The following COPG1 variants were observed in gnomAD, a reference collection of about 807,000 sequenced individuals.
COPG1 encodes the protein coat protein complex I subunit gamma 1, also known as coatomer subunit gamma-1.
COPG1 carries 29 observed loss-of-function variants against 102.8 expected under a neutral mutation model. That is an observed-to-expected ratio of 0.28 (90% confidence interval 0.21 to 0.38). The LOEUF (loss-of-function observed/expected upper bound fraction) is 0.38. Among genes scored for constraint, COPG1 ranks in the 10% least tolerant of loss-of-function variants. The pLI is 1.00. For missense variants in COPG1, 875 were observed against 1,132.7 expected, an observed-to-expected ratio of 0.77 and a Z score of 3.27; for synonymous variants, 406 against 421.6, an observed-to-expected ratio of 0.96 and a Z score of 0.45.
At chr3:129,262,568 T>A (rs533668646) in intron 12 of COPG1, among the ~76,000 whole-genome samples, 18 of 152,042 alleles carry the variant, frequency 1.2e-4, no homozygotes, top group African/African-American at 3.9e-4. Flanking sequence ...AAAATTTTTT[T>A]AAAAATTAGC....
chr3:129,275,279 G>A lies in COPG1; in HGVS notation c.2481G>A (p.Thr827=), dbSNP rs772582072. The change falls in exon 23 of 24, where the codon ACG becomes ACA. Residue 827 remains threonine (T), a synonymous_variant. Transcript: ENST00000314797. This position sits in a 1 kb window ranked among gnomAD's most constrained non-coding sequence, Gnocchi z 5.0. ...DKVPDNKNTH[T]LLLAGVFRGG... is the part of the protein sequence containing the mutation. ...TGCCGGATAACAAGAACACCCACACGTTGCTCCTGGCTGGTAAGTGGCATT... is the reference window on the plus strand; with the variant it reads ...TGCCGGATAACAAGAACACCCACACATTGCTCCTGGCTGGTAAGTGGCATT... 63 of 1,613,972 alleles carry A rather than the reference G, an allele frequency of 3.9e-5. 1 individual carries two copies. The highest frequency in any genetic ancestry group is 3.1e-4 in the South Asian group (28 of 91,074).
chr3:129,259,328 G>A (rs1560064073), intron 10 of COPG1, among the ~76,000 whole-genome samples: 1 of 152,042 alleles, frequency 6.6e-6, no homozygotes, highest in Non-Finnish European at 1.5e-5. Flanking sequence ...GGGCGTGGTG[G>A]TGCGCATCTG....
At chr3:129,256,236 C>T in intron 8 of COPG1, 82 bp downstream of exon 8, 1 of 1,157,788 alleles carries the variant, frequency 8.6e-7, no homozygotes, top group Non-Finnish European at 1.3e-6. Flanking sequence ...ACACTTGCCA[C>T]CGAGATCCTT....
chr3:129,271,732 C>T lies in COPG1; in HGVS notation c.1844-35C>T, dbSNP rs746470332. ...ACCATCAACAAGTTGGTCTGGGGATCGAGAAGCTGAGTGAATGTGGCCTGT... is the reference window on the plus strand; with the variant it reads ...ACCATCAACAAGTTGGTCTGGGGATTGAGAAGCTGAGTGAATGTGGCCTGT... On this transcript the variant is annotated intron_variant, in intron 18 of 23. Transcript: ENST00000314797. This position sits in a 1 kb window ranked among gnomAD's most constrained non-coding sequence, Gnocchi z 4.7. 2.1e-5 allele frequency: 34 copies of T among 1,609,718 alleles called. No homozygotes were observed. The highest frequency in any genetic ancestry group is 1.5e-4 in the Admixed American group (9 of 59,516).
chr3:129,272,794 C>T lies in COPG1; in HGVS notation c.2159-13C>T. Reference sequence around the variant, plus strand: ...TGGGGACATCCTAACTACCCAGCCTCTCTTCCCCACAGTGGCCTGCACATT... The same window carrying T: ...TGGGGACATCCTAACTACCCAGCCTTTCTTCCCCACAGTGGCCTGCACATT... On this transcript the variant is annotated splice_polypyrimidine_tract_variant and intron_variant, in intron 20 of 23. Coordinates refer to ENST00000314797, the MANE Select transcript of COPG1 (RefSeq NM_016128.4). 6.3e-7 allele frequency: 1 copy of T among 1,595,654 alleles called. No homozygotes were observed. The highest frequency in any genetic ancestry group is 8.6e-7 in the Non-Finnish European group (1 of 1,164,082).
Position 129,275,278 on chromosome 3 carries a change from C to T in COPG1, c.2480C>T (p.Thr827Met), listed in dbSNP as rs748839821. Residue 827 changes from threonine (T) to methionine (M), a missense_variant, in exon 23 of 24, where the codon ACG becomes ATG. Physicochemically the swap from Thr to Met is moderately conservative, Grantham distance 81. Coordinates refer to ENST00000314797, the MANE Select transcript of COPG1 (RefSeq NM_016128.4). This position sits in a 1 kb window ranked among gnomAD's most constrained non-coding sequence, Gnocchi z 5.0. ...GTGCCGGATAACAAGAACACCCACA[C>T]GTTGCTCCTGGCTGGTAAGTGGCAT... ...DKVPDNKNTH[T>M]LLLAGVFRGG... 9 of 1,614,000 alleles carry T rather than the reference C, an allele frequency of 5.6e-6. No individual in the cohort carries two copies. The highest frequency in any genetic ancestry group is 2.2e-5 in the East Asian group (1 of 44,896).
rs71674809 is a variant in COPG1 at position 129,262,722 on chromosome 3, GAA to G, written c.1129-1170_1129-1169del. Among the ~76,000 whole-genome samples, 917 of 142,430 alleles carry G rather than the reference GAA, an allele frequency of 6.4e-3. 5 individuals carry two copies. The highest frequency in any genetic ancestry group is 0.031 in the South Asian group (135 of 4,392). 93.4% of individuals were successfully genotyped at this position (142,430 alleles called of 152,430 possible). On this transcript the variant is annotated intron_variant, in intron 12 of 23. Transcript: ENST00000314797. ...TGGGTGACAGAGTGAGACCTTGTCT[GAA>G]AAAAAAAAAAATTGGCTGGGCGCGG...
intron 8 of COPG1, 63 bp from the exon 9 acceptor site, chr3:129,257,407 C>G: frequency 6.3e-7 from 1 of 1,576,842 alleles, no homozygotes; most frequent in South Asian, 1.1e-5. Flanking sequence ...CCACCCAGGG[C>G]CACACAGCCA....
intron 13 of COPG1, 102 bp downstream of exon 13, chr3:129,264,101 T>G: frequency 1.0e-6 from 1 of 973,082 alleles, no homozygotes; most frequent in Non-Finnish European, 1.6e-6. Flanking sequence ...TATGTTAGCC[T>G]GTTAACCAAC....
At position 129,263,400 on chromosome 3, in the gene COPG1, G is replaced by T. The variant is rs556178034; in HGVS notation, c.1129-504G>T. ...TCTGACAGGCAGTTGGAAAAGGCAG[G>T]TCTTAAGCTCAGACAGGAGATAAAT... On this transcript the variant is annotated intron_variant, in intron 12 of 23. Coordinates refer to ENST00000314797, the MANE Select transcript of COPG1 (RefSeq NM_016128.4). 2.0e-5 allele frequency among the ~76,000 whole-genome samples: 3 copies of T among 152,292 alleles called. No individual in the cohort carries two copies. The South Asian group carries it at 6.2e-4, about 32-fold the overall frequency.
At chr3:129,267,794 T>C in intron 15 of COPG1, 143 bp from the exon 16 acceptor site, 2 of 634,122 alleles carry the variant, frequency 3.2e-6, no homozygotes, top group Non-Finnish European at 5.7e-6. Flanking sequence ...GTGTGGCCTC[T>C]CCTCACTCCC....
chr3:129,277,383 G>A lies in COPG1; in HGVS notation c.2584G>A (p.Glu862Lys), dbSNP rs777779290. ...VTMQVTARSL[E>K]ELPVDIILAS... ...AATGCAGGTGACAGCCAGAAGTTTGGAGGAGCTGCCAGTAGACATCATCTT... is the reference window on the plus strand; with the variant it reads ...AATGCAGGTGACAGCCAGAAGTTTGAAGGAGCTGCCAGTAGACATCATCTT... The change falls in exon 24 of 24, where the codon GAG becomes AAG. Residue 862 changes from glutamate (E) to lysine (K), a missense_variant. Glu to Lys is a moderately conservative substitution (Grantham distance 56). Coordinates refer to ENST00000314797, the MANE Select transcript of COPG1 (RefSeq NM_016128.4). 3.5e-5 allele frequency: 56 copies of A among 1,613,982 alleles called. No homozygotes were observed. Among genetic ancestry groups the A allele is most frequent in the Non-Finnish European group, 4.5e-5 (53 of 1,179,990 alleles).
intron 8 of COPG1, among the ~76,000 whole-genome samples, 190 bp downstream of exon 8, chr3:129,256,344 C>T (rs940603649): frequency 5.9e-5 from 9 of 152,142 alleles, no homozygotes; most frequent in Admixed American, 2.0e-4. Flanking sequence ...CCACTTGGGG[C>T]GCTTGGGTTA....
intron 6 of COPG1, 47 bp from the exon 7 acceptor site, chr3:129,254,938 C>A: frequency 6.6e-7 from 1 of 1,517,342 alleles, no homozygotes; most frequent in Non-Finnish European, 9.2e-7. Flanking sequence ...CTGAGAGCTG[C>A]CAAGGACTGA....
Position 129,249,753 on chromosome 3 carries a change from G to T in COPG1, c.37+7G>T. On this transcript the variant is annotated splice_region_variant and intron_variant, in intron 1 of 23. Transcript: ENST00000314797. ...AAGAAGGATGAGGAGTCAGGTGAGG[G>T]GGCCAGGCCTGGGTCTGAGGGAGGC... is the stretch of plus-strand genomic sequence containing the variant. The T allele has an allele frequency of 6.4e-7, 1 of 1,551,366 alleles. No individual in the cohort carries two copies. Among genetic ancestry groups the T allele is most frequent in the Non-Finnish European group, 8.7e-7 (1 of 1,146,850 alleles).
Position 129,277,601 on chromosome 3 carries a change from C to CG in COPG1, c.*177_*178insG. On this transcript the variant is annotated 3_prime_UTR_variant, in exon 24 of 24. Transcript: ENST00000314797. ...CCCACCCGGGACTACTTGCTGGTGA[C>CG]TTTTTTTTTTTTTTTTTTTAAATAG... 2 of 302,330 alleles carry CG rather than the reference C, an allele frequency of 6.6e-6. No homozygotes were observed. The highest frequency in any genetic ancestry group is 6.2e-6 in the Non-Finnish European group (1 of 162,256). The allele number at this position is 302,330 out of a possible 1,614,324, so 18.7% of individuals were successfully genotyped here. A position where few individuals can be genotyped will look rare whatever the true frequency, so the allele number is the denominator to read the frequency against.
intron 12 of COPG1, 101 bp downstream of exon 12, chr3:129,260,908 G>T (rs955856619): frequency 7.7e-7 from 1 of 1,295,932 alleles, no homozygotes; most frequent in Non-Finnish European, 1.1e-6. Flanking sequence ...CTGAGGGGCT[G>T]GTCAGCCTTG....
intron 20 of COPG1, 109 bp from the exon 21 acceptor site, chr3:129,272,698 C>T (rs769703787): frequency 2.2e-4 from 150 of 669,360 alleles, no homozygotes; most frequent in Middle Eastern, 7.9e-4. Context: ...AATAACATAG[C>T]AGGGGCCTAG....
At chr3:129,259,931 C>G (rs1278353391) in intron 10 of COPG1, among the ~76,000 whole-genome samples, 1 of 152,158 alleles carries the variant, frequency 6.6e-6, no homozygotes, top group African/African-American at 2.4e-5. Flanking sequence ...CAGGTGCAGG[C>G]AGTCTTGGAA....
Sources: allele counts gnomAD v4.1 joint callset (sites outside exome capture counted in the v4.1 genomes callset), GRCh38; gene constraint gnomAD v4.1.1; non-coding constraint Gnocchi (gnomAD v3.1); transcripts MANE v1.5; gene names NCBI Gene and HGNC (gene_info 2026-07-23, HGNC 2026-07-21).